The following ZPBP variants were observed in gnomAD, a reference collection of about 807,000 sequenced individuals.
ZPBP encodes zona pellucida-binding protein 1.
A neutral mutation model predicts 44.8 loss-of-function variants in ZPBP; 26 were observed. The observed-to-expected ratio is 0.58, with a 90% CI of 0.43 to 0.81. ZPBP has a LOEUF of 0.81. ZPBP is among the 30% of genes least tolerant of loss of function. ZPBP has a pLI of 0.00. For missense variants in ZPBP, 409 were observed against 434.0 expected, an observed-to-expected ratio of 0.94 and a Z score of 0.51; for synonymous variants, 174 against 153.2, an observed-to-expected ratio of 1.14 and a Z score of -1.00.
At chr7:49,985,770 T>A in intron 6 of ZPBP, among the ~76,000 whole-genome samples, 1 of 152,168 alleles carries the variant, frequency 6.6e-6, no homozygotes, top group East Asian at 1.9e-4. Context: ...ATCAGATGCT[T>A]TTGTGCAGAT....
intron 3 of ZPBP, among the ~76,000 whole-genome samples, chr7:50,077,825 C>G (rs890588597): frequency 6.6e-6 from 1 of 151,982 alleles, no homozygotes; most frequent in Non-Finnish European, 1.5e-5. Flanking sequence ...TTATGGTGAA[C>G]AGTTTGGAGG....
chr7:49,983,033 G>A (rs938748022), intron 7 of ZPBP, among the ~76,000 whole-genome samples: 1 of 151,898 alleles, frequency 6.6e-6, no homozygotes, highest in Non-Finnish European at 1.5e-5. Flanking sequence ...GATTCTAAAA[G>A]ATATATTAAT....
chr7:49,884,700 G>A (rs1791820531), intron 2 of ZPBP, among the ~76,000 whole-genome samples: 1 of 152,136 alleles, frequency 6.6e-6, no homozygotes, highest in South Asian at 2.1e-4. Context: ...GTCAACACCT[G>A]TGAGATTTAC....
At chr7:50,008,439 C>T (rs1798414131) in intron 6 of ZPBP, among the ~76,000 whole-genome samples, 1 of 152,026 alleles carries the variant, frequency 6.6e-6, no homozygotes, top group Non-Finnish European at 1.5e-5. Flanking sequence ...GATGTTAATA[C>T]AACCCAAAGC....
At position 50,018,232 on chromosome 7, in the gene ZPBP, T is replaced by A. The variant is rs747266839; in HGVS notation, c.783+8A>T. 1 of 1,609,660 alleles carries A rather than the reference T, an allele frequency of 6.2e-7. No individual in the cohort carries two copies. Among genetic ancestry groups the A allele is most frequent in the African/African-American group, 1.3e-5 (1 of 74,744 alleles). ...TTTTTTTCCTTTTACCAGCCTCACA[T>A]AACATACCTTAAAAAGTCTTTTGTA... On this transcript the variant is annotated splice_region_variant and intron_variant, in intron 6 of 7. Transcript: ENST00000046087.
rs1212465554 is a variant in ZPBP at position 50,090,649 on chromosome 7, A to ACG, written c.128-941_128-940insCG. On this transcript the variant is annotated intron_variant, in intron 1 of 7. Transcript: ENST00000046087. The stretch of plus-strand genomic sequence containing the variant: ...TGTATATATATACACACACACATGC[A>ACG]CACACACACACACATATATATATAC... Among the ~76,000 whole-genome samples, 765 of 151,300 alleles carry ACG rather than the reference A, an allele frequency of 5.1e-3. 4 individuals are homozygous for ACG. Among genetic ancestry groups the ACG allele is most frequent in the African/African-American group, 0.017 (681 of 41,218 alleles).
chr7:50,062,158 C>T (rs911741115), intron 3 of ZPBP, among the ~76,000 whole-genome samples: 25 of 152,138 alleles, frequency 1.6e-4, no homozygotes, highest in African/African-American at 6.0e-4. Context: ...CAAAGTACTG[C>T]TTAAAGAAAT....
Position 49,859,154 on chromosome 7 carries a change from C to T in ZPBP, n.510-8640G>A, listed in dbSNP as rs1790546860. ...TGGGGCATGTGTGTCTTCAACGTTA[C>T]TCAGCAATACCAAAATTATAATACC... is the stretch of plus-strand genomic sequence containing the variant. On this transcript the variant is annotated intron_variant and non_coding_transcript_variant, in intron 2 of 2. Coordinates refer to the ZPBP transcript ENST00000465922. Among the ~76,000 whole-genome samples, 5 of 152,180 alleles carry T rather than the reference C, an allele frequency of 3.3e-5. No individual in the cohort carries two copies. In the South Asian group the frequency reaches 1.0e-3, roughly 31 times the overall value.
intron 5 of ZPBP, among the ~76,000 whole-genome samples, chr7:50,025,149 A>T (rs2128808952): frequency 6.6e-6 from 1 of 151,952 alleles, no homozygotes; most frequent in South Asian, 2.1e-4. Context: ...GATCTAAGTA[A>T]ATAAAAAGAT....
intron 3 of ZPBP, among the ~76,000 whole-genome samples, chr7:50,059,485 C>A (rs1171654341): frequency 6.6e-6 from 1 of 152,122 alleles, no homozygotes; most frequent in East Asian, 1.9e-4. Context: ...ATGCCTATTT[C>A]TTCATGATTA....
intron 5 of ZPBP, among the ~76,000 whole-genome samples, chr7:50,026,484 GT>G (rs939580569): frequency 2.3e-4 from 35 of 151,768 alleles, no homozygotes; most frequent in African/African-American, 7.5e-4. Flanking sequence ...TACTTCACAA[GT>G]ACACATGAAA....
At chr7:49,970,934 C>T (rs951375297) in intron 7 of ZPBP, among the ~76,000 whole-genome samples, 2 of 151,876 alleles carry the variant, frequency 1.3e-5, no homozygotes, top group African/African-American at 4.8e-5. Flanking sequence ...GTTCCAGCTA[C>T]TCAGGGGGCT....
At chr7:50,076,253 A>G (rs1317994567) in intron 3 of ZPBP, among the ~76,000 whole-genome samples, 1 of 152,016 alleles carries the variant, frequency 6.6e-6, no homozygotes, top group Non-Finnish European at 1.5e-5. Flanking sequence ...AAAACTGAGT[A>G]TAGAAGGAAC....
At chr7:49,898,309 C>T (rs533038395) in intron 2 of ZPBP, among the ~76,000 whole-genome samples, 9 of 150,440 alleles carry the variant, frequency 6.0e-5, no homozygotes, top group South Asian at 4.2e-4. Context: ...AAGAAAACAT[C>T]GAAGTTTTTT....
At chr7:49,865,791 A>C (rs548413227) in intron 2 of ZPBP, among the ~76,000 whole-genome samples, 114 of 152,278 alleles carry the variant, frequency 7.5e-4, no homozygotes, top group African/African-American at 2.6e-3. Context: ...AACTTGCAAG[A>C]TATATCAACC....
intron 2 of ZPBP, among the ~76,000 whole-genome samples, chr7:50,086,521 A>C (rs1802659408): frequency 6.6e-6 from 1 of 152,068 alleles, no homozygotes; most frequent in Admixed American, 6.6e-5. Flanking sequence ...TAAAGATACA[A>C]AAATTATTTT....
intron 4 of ZPBP, among the ~76,000 whole-genome samples, chr7:50,034,284 C>T (rs1213055160): frequency 6.6e-6 from 1 of 151,838 alleles, no homozygotes; most frequent in Non-Finnish European, 1.5e-5. Flanking sequence ...TTCTCCCACT[C>T]ACTCATCTGA....
rs10240856 is a variant in ZPBP at position 50,013,965 on chromosome 7, A to G, written c.783+4275T>C. On this transcript the variant is annotated intron_variant, in intron 6 of 7. Coordinates refer to ENST00000046087, the MANE Select transcript of ZPBP (RefSeq NM_007009.3). ...TTAATCAATTATATATTATCCTATC[A>G]TCCTTTATCTATTTCTGTTACAGTA... Among the ~76,000 whole-genome samples, 719 of 152,216 alleles carry G rather than the reference A, an allele frequency of 4.7e-3. 4 individuals carry two copies. Among genetic ancestry groups the G allele is most frequent in the African/African-American group, 0.016 (683 of 41,574 alleles).
chr7:50,036,928 T>TAAAATCCATG (rs1253046083), intron 4 of ZPBP, among the ~76,000 whole-genome samples: 1 of 151,778 alleles, frequency 6.6e-6, no homozygotes, highest in African/African-American at 2.4e-5. Flanking sequence ...AGAAGGACAG[T>TAAAATCCATG]AAAATCCATG....
Sources: allele counts gnomAD v4.1 joint callset (sites outside exome capture counted in the v4.1 genomes callset), GRCh38; gene constraint gnomAD v4.1.1; transcripts MANE v1.5; gene names NCBI Gene and HGNC (gene_info 2026-07-23, HGNC 2026-07-21).